RGS22: variants seen among roughly 807,000 people sequenced by gnomAD.
The protein encoded by RGS22 is regulator of G protein signaling 22, also known as regulator of G-protein signaling 22.
In RGS22, 148 loss-of-function variants were observed where a neutral mutation model predicts 172.9. That is an observed-to-expected ratio of 0.86 (90% CI 0.75 to 0.98). RGS22 has a LOEUF of 0.98. RGS22 is among the 50% of genes least tolerant of loss of function. RGS22 has a pLI of 0.00. For missense variants in RGS22, 1,347 were observed against 1,440.8 expected, an observed-to-expected ratio of 0.93 and a Z score of 1.05; for synonymous variants, 458 against 480.2, an observed-to-expected ratio of 0.95 and a Z score of 0.60.
intron 20 of RGS22, among the ~76,000 whole-genome samples, chr8:99,993,174 A>C (rs1813952795): frequency 6.6e-6 from 1 of 152,240 alleles, no homozygotes; most frequent in Non-Finnish European, 1.5e-5. Context: ...GGAAAGATCT[A>C]AAATCGACAC....
intron 9 of RGS22, among the ~76,000 whole-genome samples, chr8:100,058,923 A>C (rs756072738): frequency 6.6e-6 from 1 of 152,214 alleles, no homozygotes; most frequent in Non-Finnish European, 1.5e-5. Context: ...ACAATGAACC[A>C]ATCAAAATTA....
chr8:100,003,816 G>C lies in RGS22; in HGVS notation c.2627+110C>G. ...ATAATCATGTTTGTCAGTTTTTATT[G>C]ACATGAGTAAAATCTGTTATAGCAC... On this transcript the variant is annotated intron_variant, in intron 17 of 27. Transcript: ENST00000360863. 1.1e-6 allele frequency: 1 copy of C among 881,924 alleles called. No homozygotes were observed. Among genetic ancestry groups the C allele is most frequent in the Non-Finnish European group, 1.6e-6 (1 of 616,628 alleles). The allele number at this position is 881,924 out of a possible 1,614,324, so 54.6% of individuals were successfully genotyped here. A position where few individuals can be genotyped will look rare whatever the true frequency, so the allele number is the denominator to read the frequency against.
chr8:100,016,810 A>T (rs1817015545), intron 14 of RGS22, among the ~76,000 whole-genome samples: 1 of 151,834 alleles, frequency 6.6e-6, no homozygotes, highest in Non-Finnish European at 1.5e-5. Context: ...AATATACCTA[A>T]TGCTAAATGA....
chr8:99,977,165 A>T (rs1051563632), intron 23 of RGS22, among the ~76,000 whole-genome samples: 2 of 151,962 alleles, frequency 1.3e-5, no homozygotes, highest in Admixed American at 6.6e-5. Context: ...GTGTAGTGGC[A>T]TAATCTTGGC....
In RGS22 at chr8:100,063,473, C is replaced by A; in HGVS notation, c.1295G>T (p.Trp432Leu). The change falls in exon 8 of 28, where the codon TGG becomes TTG. Residue 432 changes from tryptophan (W) to leucine (L), a missense_variant. Physicochemically the swap from Trp to Leu is moderately conservative, Grantham distance 61. Transcript: ENST00000360863. ...TAACCTCTCAATATCCATCCATAGC[C>A]ACCAATATCTCTCTCCCAATGTACC... ...IKGTLGERYW[W>L]LWMDIERLKV... 6.2e-7 allele frequency: 1 copy of A among 1,613,124 alleles called. No individual in the cohort carries two copies. Among genetic ancestry groups the A allele is most frequent in the Non-Finnish European group, 8.5e-7 (1 of 1,179,330 alleles).
At chr8:100,058,618 AC>A (rs1407594073) in intron 9 of RGS22, among the ~76,000 whole-genome samples, 2 of 152,158 alleles carry the variant, frequency 1.3e-5, no homozygotes, top group African/African-American at 4.8e-5. Context: ...GAAGGAAAAA[AC>A]TTTTACCCTA....
intron 6 of RGS22, 111 bp from the exon 7 acceptor site, chr8:100,066,407 A>C (rs1563693142): frequency 2.6e-6 from 2 of 772,918 alleles, no homozygotes; most frequent in East Asian, 5.5e-5. Context: ...CAATATGTAA[A>C]GTGAAAATTA....
chr8:99,980,001 G>A (rs1812378110), intron 22 of RGS22, among the ~76,000 whole-genome samples: 1 of 152,172 alleles, frequency 6.6e-6, no homozygotes, highest in African/African-American at 2.4e-5. Context: ...TTAGACTAGG[G>A]CAGAGATGGC....
chr8:100,027,220 C>T (rs1818275186), intron 14 of RGS22, among the ~76,000 whole-genome samples: 1 of 151,788 alleles, frequency 6.6e-6, no homozygotes, highest in Admixed American at 6.6e-5. Context: ...GGTGACAGAG[C>T]AAGATGACCT....
At chr8:100,079,627 G>C (rs1471067996) in intron 4 of RGS22, among the ~76,000 whole-genome samples, 1 of 152,118 alleles carries the variant, frequency 6.6e-6, no homozygotes, top group African/African-American at 2.4e-5. Context: ...AAAGTGACTT[G>C]TACACAGAGT....
chr8:100,088,958 G>A (rs945857685), intron 3 of RGS22, among the ~76,000 whole-genome samples: 3 of 151,968 alleles, frequency 2.0e-5, no homozygotes, highest in African/African-American at 7.2e-5. Context: ...AAAGGAGGCA[G>A]GAGAAAAGAT....
intron 23 of RGS22, among the ~76,000 whole-genome samples, chr8:99,974,916 G>A (rs944457890): frequency 5.3e-5 from 8 of 152,026 alleles, no homozygotes; most frequent in African/African-American, 1.9e-4. Flanking sequence ...GGGAGGCCAA[G>A]GTGGGCGGAT....
chr8:100,045,069 G>T (rs1020677156), intron 11 of RGS22, among the ~76,000 whole-genome samples: 2 of 151,702 alleles, frequency 1.3e-5, no homozygotes, highest in African/African-American at 4.8e-5. Flanking sequence ...TTGAGGCCAG[G>T]AGTTCAAGAC....
chr8:100,082,897 A>T (rs1041697899), intron 3 of RGS22, among the ~76,000 whole-genome samples: 1 of 152,206 alleles, frequency 6.6e-6, no homozygotes, highest in African/African-American at 2.4e-5. Flanking sequence ...AACATGGTGT[A>T]TGTGGGTAAC....
At position 99,977,905 on chromosome 8, in the gene RGS22, G is replaced by A; in HGVS notation, c.3519+12C>T. The A allele has an allele frequency of 6.5e-7, 1 of 1,550,104 alleles. No individual in the cohort carries two copies. The highest frequency in any genetic ancestry group is 8.6e-7 in the Non-Finnish European group (1 of 1,158,790). ...AAAAGTCTGATAAAACCCAAAATGA[G>A]TCTTGTCTCACCTTTCCAGATTTTT... On this transcript the variant is annotated intron_variant, in intron 23 of 27. Transcript: ENST00000360863.
At chr8:100,081,121 A>G (rs1032198465) in intron 3 of RGS22, among the ~76,000 whole-genome samples, 4 of 152,046 alleles carry the variant, frequency 2.6e-5, no homozygotes, top group African/African-American at 9.7e-5. Flanking sequence ...TTTTCAGAAT[A>G]TTCATTTATT....
Position 100,100,669 on chromosome 8 carries a change from C to A in RGS22, c.54+4705G>T, listed in dbSNP as rs116029641. Among the ~76,000 whole-genome samples, 250 of 152,256 alleles carry A rather than the reference C, an allele frequency of 1.6e-3. 1 individual carries two copies. The highest frequency in any genetic ancestry group is 5.8e-3 in the African/African-American group (239 of 41,542). The stretch of plus-strand genomic sequence containing the variant: ...TGGATATGGAGAGTCAACTATGTTA[C>A]TGTATGTTAAAATAATGAGAATGTC... On this transcript the variant is annotated intron_variant, in intron 2 of 27. Coordinates refer to ENST00000360863, the MANE Select transcript of RGS22 (RefSeq NM_015668.5).
At chr8:100,086,474 C>T (rs1812168609) in intron 3 of RGS22, among the ~76,000 whole-genome samples, 2 of 152,042 alleles carry the variant, frequency 1.3e-5, no homozygotes, top group Non-Finnish European at 2.9e-5. Flanking sequence ...AAACCAAACA[C>T]CATATGTTTT....
At chr8:100,050,048 T>TC (rs1821118264) in intron 10 of RGS22, among the ~76,000 whole-genome samples, 1 of 74,824 alleles carries the variant, frequency 1.3e-5, no homozygotes, top group African/African-American at 4.9e-5. Context: ...AAACTCCATC[T>TC]CCAAAAAAAA....
Sources: allele counts gnomAD v4.1 joint callset (sites outside exome capture counted in the v4.1 genomes callset), GRCh38; gene constraint gnomAD v4.1.1; transcripts MANE v1.5; gene names NCBI Gene and HGNC (gene_info 2026-07-23, HGNC 2026-07-21).